ASB2: variants seen among roughly 807,000 people sequenced by gnomAD.
The protein encoded by ASB2 is ankyrin repeat and SOCS box protein 2.
Under a neutral mutation model 62.4 loss-of-function variants are expected in ASB2, and 58 were observed. That is an observed-to-expected ratio of 0.93 (90% CI 0.75 to 1.16). The LOEUF (loss-of-function observed/expected upper bound fraction) is 1.16, where lower values mean the gene tolerates loss of function less well. ASB2 is among the 50% of genes most tolerant of loss of function. ASB2 has a pLI of 0.00. For missense variants in ASB2, 928 were observed against 887.9 expected (o/e 1.05, Z -0.57); for synonymous variants, 386 against 385.3 (o/e 1.00, Z -0.02).
chr14:93,943,141 A>G (rs1039763907), intron 7 of ASB2, among the ~76,000 whole-genome samples: 3 of 152,234 alleles, frequency 2.0e-5, no homozygotes, highest in African/African-American at 7.2e-5. Context: ...ACAAAGCACA[A>G]TGTAATGATC....
At chr14:93,965,077 T>C in intron 1 of ASB2, among the ~76,000 whole-genome samples, 1 of 152,106 alleles carries the variant, frequency 6.6e-6, no homozygotes, top group South Asian at 2.1e-4. Context: ...TGTCCTCCCA[T>C]CCCTCCATTA....
At position 93,968,133 on chromosome 14, in the gene ASB2, G is replaced by A. The variant is rs372211415; in HGVS notation, c.-73-3521C>T. On this transcript the variant is annotated intron_variant, in intron 1 of 9. Transcript: ENST00000555019. The stretch of plus-strand genomic sequence containing the variant: ...TGCAGTGGCCCTTCCCTGACCATGT[G>A]CCTTCCTGGAGGCGAAGGCAGCCAG... 2.8e-4 allele frequency: 43 copies of A among 152,264 alleles called. No homozygotes were observed. In the East Asian group the frequency reaches 5.0e-3, roughly 18 times the overall value. The allele number at this position is 152,264 out of a possible 1,614,324, so 9.4% of individuals were successfully genotyped here.
chr14:93,957,864 G>C (rs1298720305), intron 2 of ASB2, among the ~76,000 whole-genome samples: 1 of 152,148 alleles, frequency 6.6e-6, no homozygotes, highest in Non-Finnish European at 1.5e-5. Context: ...GGTCAGGCCT[G>C]GCACTCTCGA....
Position 93,939,431 on chromosome 14 carries a change from G to A in ASB2, c.1294C>T (p.Gln432Ter), listed in dbSNP as rs750306942. ...NNVYATELLLQHGADPNRDVI... is the reference protein window; with the variant it reads ...NNVYATELLL ...TCGCGGTTGGGGTCGGCGCCGTGTT[G>A]CAGCAGCAGCTCGGTGGCGTACACG... is the stretch of plus-strand genomic sequence containing the variant. The change falls in exon 8 of 10, where the codon CAA (glutamine) becomes TAA (stop). Residue 432 changes from glutamine to a stop codon, truncating the protein, a stop_gained. Coordinates refer to ENST00000555019, the MANE Select transcript of ASB2 (RefSeq NM_001202429.2). LOFTEE classifies it high-confidence loss of function. 1.2e-6 allele frequency: 2 copies of A among 1,612,786 alleles called. No individual in the cohort carries two copies. Among genetic ancestry groups the A allele is most frequent in the Non-Finnish European group, 1.7e-6 (2 of 1,179,838 alleles).
At chr14:93,975,915 T>A (rs72700358) in intron 1 of ASB2, among the ~76,000 whole-genome samples, 1 of 152,178 alleles carries the variant, frequency 6.6e-6, no homozygotes, top group African/African-American at 2.4e-5. Flanking sequence ...ATAACATTCC[T>A]CCATTTCCTC....
intron 6 of ASB2, among the ~76,000 whole-genome samples, chr14:93,947,991 C>T (rs11622851): frequency 0.8 from 103,241 of 128,382 alleles, 41,959 homozygotes; most frequent in Middle Eastern, 0.93. Flanking sequence ...TGAAACTCCG[C>T]CTGGAAAAAA....
rs1567026502 is a variant in ASB2, at chr14:93,954,353, A to G, written c.442T>C (p.Tyr148His). Residue 148 changes from tyrosine to histidine, a missense_variant, in exon 4 of 10, where the codon TAT (tyrosine) becomes CAT (histidine). Tyr to His is a moderately conservative substitution (Grantham distance 83). Transcript: ENST00000555019. ...ACTTTCAGGCAGCCCACCTGGCCAT[A>G]GTATGCGGCCTCGTGCAGCGGCAGC... is the stretch of plus-strand genomic sequence containing the variant. ...GWLPLHEAAY[Y>H]GQVGCLKVLQ... 6.2e-7 allele frequency: 1 copy of G among 1,613,818 alleles called. No individual in the cohort carries two copies. The highest frequency in any genetic ancestry group is 8.5e-7 in the Non-Finnish European group (1 of 1,179,876).
In ASB2 at chr14:93,956,879, T is replaced by C; in HGVS notation, c.207-9A>G. 1 of 1,613,872 alleles carries C rather than the reference T, an allele frequency of 6.2e-7. No homozygotes were observed. The highest frequency in any genetic ancestry group is 8.5e-7 in the Non-Finnish European group (1 of 1,179,938). ...CAGGAGGTGCAGTGGACCTGGAGGGTGCAGAGCAGGAGTGAAAGAGGGAAA... is the reference window on the plus strand; with the variant it reads ...CAGGAGGTGCAGTGGACCTGGAGGGCGCAGAGCAGGAGTGAAAGAGGGAAA... On this transcript the variant is annotated splice_polypyrimidine_tract_variant and intron_variant, in intron 2 of 9. Coordinates refer to ENST00000555019, the MANE Select transcript of ASB2 (RefSeq NM_001202429.2).
At chr14:93,961,408 A>G (rs1289014430) in intron 2 of ASB2, among the ~76,000 whole-genome samples, 1 of 152,218 alleles carries the variant, frequency 6.6e-6, no homozygotes, top group African/African-American at 2.4e-5. Context: ...ATTCACAGAT[A>G]GCCATGTGGT....
Position 93,934,562 on chromosome 14 carries a change from C to A in ASB2, c.*94G>T. ...AGAGGGAGGCAGCCTGCAGCCTCGT[C>A]TGTCACCAGGTCCCCTTGGAGTTGG... On this transcript the variant is annotated 3_prime_UTR_variant, in exon 10 of 10. Transcript: ENST00000555019. 7.4e-7 allele frequency: 1 copy of A among 1,360,132 alleles called. No homozygotes were observed. The allele number at this position is 1,360,132 out of a possible 1,614,324, so 84.3% of individuals were successfully genotyped here.
chr14:93,953,078 G>C (rs1889031809), intron 5 of ASB2, among the ~76,000 whole-genome samples: 1 of 152,192 alleles, frequency 6.6e-6, no homozygotes, highest in Non-Finnish European at 1.5e-5. Flanking sequence ...CCTGCTCTCT[G>C]TGTGTGGGTG....
At chr14:93,974,310 A>G (rs1889847103) in intron 1 of ASB2, among the ~76,000 whole-genome samples, 2 of 152,242 alleles carry the variant, frequency 1.3e-5, no homozygotes, top group South Asian at 4.1e-4. Flanking sequence ...CCTCCCAACC[A>G]CAAAGCTCTT....
rs533715929 is a variant in ASB2, at chr14:93,941,923, A to G, written c.1053-2251T>C. 1.6e-3 allele frequency among the ~76,000 whole-genome samples: 237 copies of G among 152,330 alleles called. 1 individual carries two copies. The Middle Eastern group carries it at 0.017, about 11-fold the overall frequency. ...GGAGATCAGTGCGTCCAGCTTTCCC[A>G]TTTTACACAGAGTAAACCTGAAGCC... On this transcript the variant is annotated intron_variant, in intron 7 of 9. Coordinates refer to ENST00000555019, the MANE Select transcript of ASB2 (RefSeq NM_001202429.2).
At chr14:93,954,614 C>A (rs919550567) in intron 3 of ASB2, 131 bp from the exon 4 acceptor site, 1 of 756,376 alleles carries the variant, frequency 1.3e-6, no homozygotes, top group Non-Finnish European at 2.1e-6. Context: ...AGCACTCAGC[C>A]CCCTGCAGCC....
At chr14:93,960,821 C>T (rs1889380958) in intron 2 of ASB2, among the ~76,000 whole-genome samples, 1 of 152,166 alleles carries the variant, frequency 6.6e-6, no homozygotes, top group African/African-American at 2.4e-5. Context: ...CAGTGGACTC[C>T]ATTTTGGTCA....
intron 2 of ASB2, among the ~76,000 whole-genome samples, chr14:93,961,928 C>T (rs1040029115): frequency 4.6e-5 from 7 of 152,024 alleles, no homozygotes; most frequent in African/African-American, 1.5e-4. Context: ...AACTTCAGAG[C>T]GGGACAGACT....
At chr14:93,967,303 G>T (rs905508329) in intron 1 of ASB2, among the ~76,000 whole-genome samples, 1 of 151,998 alleles carries the variant, frequency 6.6e-6, no homozygotes, top group Non-Finnish European at 1.5e-5. Context: ...CTTCAGTGGC[G>T]GGGGGAAGGG....
chr14:93,939,234 G>A lies in ASB2; in HGVS notation c.1491C>T (p.Asp497=), dbSNP rs1019216542. The change falls in exon 8 of 10, where the codon GAC becomes GAT. Residue 497 remains aspartate (D), a synonymous_variant. Coordinates refer to ENST00000555019, the MANE Select transcript of ASB2 (RefSeq NM_001202429.2). ...KCLSLLKFLM[D]LGCDGEPCFS... Reference sequence around the variant, plus strand: ...AGCAGGGCTCGCCGTCGCAGCCCAGGTCCATGAGGAACTTGAGCAGCGACA... The same window carrying A: ...AGCAGGGCTCGCCGTCGCAGCCCAGATCCATGAGGAACTTGAGCAGCGACA... The A allele has an allele frequency of 9.9e-6, 16 of 1,610,022 alleles. No individual in the cohort carries two copies. Among genetic ancestry groups the A allele is most frequent in the Non-Finnish European group, 1.4e-5 (16 of 1,177,394 alleles).
At chr14:93,960,207 C>T (rs1041364208) in intron 2 of ASB2, among the ~76,000 whole-genome samples, 27 of 152,204 alleles carry the variant, frequency 1.8e-4, no homozygotes, top group African/African-American at 6.3e-4. Flanking sequence ...AACTCCTATT[C>T]ATCCTGCAAA....
Sources: allele counts gnomAD v4.1 joint callset (sites outside exome capture counted in the v4.1 genomes callset), GRCh38; gene constraint gnomAD v4.1.1; transcripts MANE v1.5; gene names NCBI Gene and HGNC (gene_info 2026-07-23, HGNC 2026-07-21).